AFG2A: variants seen among roughly 807,000 people sequenced by gnomAD.
The protein encoded by AFG2A is ATPase family gene 2 protein homolog A.
At chr4:123,314,734 GGTTTTTTTTGTTGTT>G in the AFG2A span, 1 of 148,216 alleles carries the variant, frequency 6.7e-6, no homozygotes, top group Admixed American at 6.9e-5. Flanking sequence ...AGTAGGCTTG[GGTTTTTTTTGTTGTT>G]GTTTTGTCTT....
the AFG2A span, among the ~76,000 whole-genome samples, chr4:123,101,376 A>G: frequency 7.2e-5 from 11 of 151,916 alleles, no homozygotes; most frequent in Admixed American, 6.6e-4. Flanking sequence ...GTGGAAATAG[A>G]TAAGAGTGAG....
At chr4:123,128,806 TTTC>T in the AFG2A span, among the ~76,000 whole-genome samples, 4 of 152,138 alleles carry the variant, frequency 2.6e-5, no homozygotes, top group Non-Finnish European at 4.4e-5. Flanking sequence ...AGTGGTTCTT[TTTC>T]TTCTTCTTCT....
the AFG2A span, chr4:123,028,189 T>A: frequency 6.2e-7 from 1 of 1,613,532 alleles, no homozygotes; most frequent in Non-Finnish European, 8.5e-7. Context: ...TTTTCAGGTA[T>A]CCTGGTCAGA....
At chr4:122,929,123 G>T in the AFG2A span, 1 of 1,613,618 alleles carries the variant, frequency 6.2e-7, no homozygotes, top group Non-Finnish European at 8.5e-7. Context: ...TGGGTGTGAG[G>T]CCTGGTGATG....
the AFG2A span, among the ~76,000 whole-genome samples, chr4:123,080,495 CT>C: frequency 3.0e-4 from 45 of 152,144 alleles, no homozygotes; most frequent in Non-Finnish European, 5.4e-4. Context: ...ACCCCTTCTC[CT>C]TTGCAAATTC....
At chr4:122,935,563 G>A in the AFG2A span, 6 of 764,732 alleles carry the variant, frequency 7.8e-6, no homozygotes, top group Middle Eastern at 4.2e-4. Flanking sequence ...GGGCTAGTTA[G>A]TACATCTTTC....
At chr4:123,290,185 A>G in the AFG2A span, among the ~76,000 whole-genome samples, 5 of 152,174 alleles carry the variant, frequency 3.3e-5, no homozygotes, top group African/African-American at 4.8e-5. Flanking sequence ...TTTGCTGTGC[A>G]GAAGTGTTTT....
chr4:123,160,929 A>G, the AFG2A span, among the ~76,000 whole-genome samples: 1 of 152,320 alleles, frequency 6.6e-6, no homozygotes, highest in South Asian at 2.1e-4. Context: ...ACAATATGCT[A>G]TAATAAAAGT....
the AFG2A span, among the ~76,000 whole-genome samples, chr4:123,058,814 G>A: frequency 2.8e-4 from 7 of 24,908 alleles, no homozygotes; most frequent in African/African-American, 4.2e-4. Context: ...ATATCATTCC[G>A]CCCCGGCCCC....
chr4:123,097,599 T>TA, the AFG2A span, among the ~76,000 whole-genome samples: 2 of 152,138 alleles, frequency 1.3e-5, no homozygotes, highest in African/African-American at 4.8e-5. Context: ...GTGTTTTTGT[T>TA]ATTGTTGCTG....
chr4:122,968,676 C>A, the AFG2A span, among the ~76,000 whole-genome samples: 1 of 152,166 alleles, frequency 6.6e-6, no homozygotes, highest in African/African-American at 2.4e-5. Flanking sequence ...GTATGCATTT[C>A]TGTCTATTAT....
At chr4:122,963,491 A>G in the AFG2A span, among the ~76,000 whole-genome samples, 126,500 of 152,162 alleles carry the variant, frequency 0.83, 53,733 homozygotes, top group East Asian at 0.96. Context: ...TGTATGTACT[A>G]ACACATTTCT....
chr4:122,950,325 C>T, the AFG2A span, among the ~76,000 whole-genome samples: 1 of 149,986 alleles, frequency 6.7e-6, no homozygotes, highest in Non-Finnish European at 1.5e-5. Flanking sequence ...AAAGTACGAG[C>T]CCTAGTCATT....
chr4:122,993,394 G>T, the AFG2A span, among the ~76,000 whole-genome samples: 1 of 152,032 alleles, frequency 6.6e-6, no homozygotes, highest in Non-Finnish European at 1.5e-5. Context: ...ATTAGAATTT[G>T]TTGGCAAAAC....
At chr4:122,934,291 C>T in the AFG2A span, 1 of 1,614,076 alleles carries the variant, frequency 6.2e-7, no homozygotes. Flanking sequence ...GTTATCCTTA[C>T]AGCTAAGCCA....
At chr4:123,081,339 A>G in the AFG2A span, among the ~76,000 whole-genome samples, 4 of 152,296 alleles carry the variant, frequency 2.6e-5, no homozygotes, top group East Asian at 5.8e-4. Flanking sequence ...CTCTTTTGGA[A>G]TATCCTATAC....
At chr4:122,993,194 TGTTGGCCAGGCTG>T in the AFG2A span, among the ~76,000 whole-genome samples, 2 of 152,030 alleles carry the variant, frequency 1.3e-5, no homozygotes, top group African/African-American at 4.8e-5. Context: ...GGTTTTACCA[TGTTGGCCAGGCTG>T]GTCTCGAACT....
the AFG2A span, among the ~76,000 whole-genome samples, chr4:123,160,256 T>A: frequency 2.6e-4 from 39 of 152,178 alleles, no homozygotes; most frequent in Middle Eastern, 3.4e-3. Context: ...CCTTAAAAAA[T>A]AATAATAATA....
At chr4:123,195,210 G>C in the AFG2A span, among the ~76,000 whole-genome samples, 1 of 152,178 alleles carries the variant, frequency 6.6e-6, no homozygotes, top group Admixed American at 6.5e-5. Flanking sequence ...GATCCCAAAT[G>C]TTCCCTTTTC....
Sources: allele counts gnomAD v4.1 joint callset (sites outside exome capture counted in the v4.1 genomes callset), GRCh38; gene constraint gnomAD v4.1.1; transcripts MANE v1.5; gene names NCBI Gene and HGNC (gene_info 2026-07-23, HGNC 2026-07-21).